Variants in MCTP1 observed in about 807,000 individuals in gnomAD.
MCTP1 encodes multiple C2 and transmembrane domain containing 1.
A neutral mutation model predicts 120.6 loss-of-function variants in MCTP1; 69 were observed. The ratio of observed to expected loss-of-function variants is 0.57; its 90% CI spans 0.47 to 0.70. MCTP1 has a LOEUF of 0.70. MCTP1 is among the 30% of genes least tolerant of loss of function. The pLI is 0.00. For synonymous variants in MCTP1, 529 were observed against 493.1 expected (o/e 1.07, Z -0.96); for missense variants, 1,203 against 1,248.8 (o/e 0.96, Z 0.55).
chr5:95,208,233 G>A (rs1333027241), intron 1 of MCTP1, among the ~76,000 whole-genome samples: 1 of 152,098 alleles, frequency 6.6e-6, no homozygotes, highest in Non-Finnish European at 1.5e-5. Flanking sequence ...GGGATTACAG[G>A]TGCCTGCAAC....
chr5:94,742,905 G>A (rs976109911), intron 19 of MCTP1, among the ~76,000 whole-genome samples: 2 of 151,964 alleles, frequency 1.3e-5, no homozygotes, highest in African/African-American at 2.4e-5. Flanking sequence ...GGGAGATAAC[G>A]AAAATGAATA....
rs1754298690 is a variant in MCTP1, at chr5:94,705,314, C to G, written c.*2182G>C. On this transcript the variant is annotated 3_prime_UTR_variant, in exon 23 of 23. Transcript: ENST00000515393. ...AAGCAATGAAGATTTCCCTGAATAT[C>G]ACTTTTGTGCCTCAAGCTAGTTCTT... is the stretch of plus-strand genomic sequence containing the variant. The G allele has an allele frequency of 6.6e-6, 1 of 151,394 alleles. No individual in the cohort carries two copies. Among genetic ancestry groups the G allele is most frequent in the Admixed American group, 6.6e-5 (1 of 15,158 alleles). The allele number at this position is 151,394 out of a possible 1,614,324, so 9.4% of individuals were successfully genotyped here. A position where few individuals can be genotyped will look rare whatever the true frequency, so the allele number is the denominator to read the frequency against.
chr5:94,891,125 A>G (rs1802500178), intron 11 of MCTP1, among the ~76,000 whole-genome samples: 1 of 151,722 alleles, frequency 6.6e-6, no homozygotes, highest in Non-Finnish European at 1.5e-5. Context: ...AAATGCGGAT[A>G]CATGAGTAAT....
chr5:95,088,561 G>A (rs1377610405), intron 1 of MCTP1, among the ~76,000 whole-genome samples: 1 of 152,152 alleles, frequency 6.6e-6, no homozygotes, highest in African/African-American at 2.4e-5. Flanking sequence ...TGCTTACGGA[G>A]GTGAAGTAAT....
At chr5:95,204,057 A>C (rs1417619871) in intron 1 of MCTP1, among the ~76,000 whole-genome samples, 2 of 152,168 alleles carry the variant, frequency 1.3e-5, no homozygotes, top group Non-Finnish European at 2.9e-5. Flanking sequence ...AATCAATACT[A>C]GAACAAGTTG....
chr5:95,032,633 A>C (rs1421391828), intron 1 of MCTP1, among the ~76,000 whole-genome samples: 4 of 152,098 alleles, frequency 2.6e-5, no homozygotes, highest in Non-Finnish European at 5.9e-5. Context: ...TACATCAGAA[A>C]GATACAAAGG....
At chr5:95,225,139 G>A (rs752675693) in intron 1 of MCTP1, among the ~76,000 whole-genome samples, 6 of 152,076 alleles carry the variant, frequency 3.9e-5, no homozygotes, top group Non-Finnish European at 7.3e-5. Flanking sequence ...GCTCATAGGT[G>A]TCTCATACCA....
chr5:95,057,774 GCT>G (rs573392896), intron 1 of MCTP1, among the ~76,000 whole-genome samples: 17 of 152,100 alleles, frequency 1.1e-4, no homozygotes, highest in Non-Finnish European at 2.1e-4. Flanking sequence ...AGCTCTCTGA[GCT>G]CTGTTTCATG....
At chr5:94,967,340 C>T (rs187259830) in intron 2 of MCTP1, among the ~76,000 whole-genome samples, 1 of 152,254 alleles carries the variant, frequency 6.6e-6, no homozygotes, top group Admixed American at 6.5e-5. Context: ...ATTATATCAG[C>T]TATCACACAC....
chr5:94,925,358 C>T (rs1286387182), intron 6 of MCTP1, among the ~76,000 whole-genome samples: 3 of 152,148 alleles, frequency 2.0e-5, no homozygotes, highest in East Asian at 1.9e-4. Flanking sequence ...TATTTAGTTA[C>T]GCTTCAGTCT....
chr5:94,990,592 C>T (rs1470456014), intron 2 of MCTP1, among the ~76,000 whole-genome samples: 1 of 152,228 alleles, frequency 6.6e-6, no homozygotes. Flanking sequence ...CACCAAAGAT[C>T]ATCTCCCTTT....
chr5:94,938,885 T>C (rs2153498830), intron 5 of MCTP1, among the ~76,000 whole-genome samples: 1 of 152,232 alleles, frequency 6.6e-6, no homozygotes, highest in African/African-American at 2.4e-5. Context: ...TCTAGATACT[T>C]TTTTGTAAAA....
In MCTP1 at chr5:95,188,583, A is replaced by G. The variant is rs551853737; in HGVS notation, c.720+95273T>C. On this transcript the variant is annotated intron_variant, in intron 1 of 22. Transcript: ENST00000515393. ...GAAGGATGCTGAGTGAAAAATGTCA[A>G]TCTTAAAAGTTGCATATTATATGAT... Among the ~76,000 whole-genome samples, 14 of 152,306 alleles carry G rather than the reference A, an allele frequency of 9.2e-5. No homozygotes were observed. In the East Asian group the frequency reaches 1.7e-3, roughly 19 times the overall value.
chr5:94,803,558 C>T (rs1035709063), intron 17 of MCTP1, among the ~76,000 whole-genome samples: 11 of 152,260 alleles, frequency 7.2e-5, no homozygotes, highest in South Asian at 2.1e-4. Context: ...GCAATTAAGC[C>T]GATGCTTGAC....
intron 7 of MCTP1, among the ~76,000 whole-genome samples, chr5:94,921,935 C>T (rs903929676): frequency 7.9e-5 from 12 of 152,176 alleles, no homozygotes; most frequent in Admixed American, 1.3e-4. Flanking sequence ...GACTCTACTG[C>T]TGTAAGTTCT....
chr5:95,018,239 TG>T (rs1837496193), intron 1 of MCTP1, among the ~76,000 whole-genome samples: 1 of 152,106 alleles, frequency 6.6e-6, no homozygotes, highest in South Asian at 2.1e-4. Flanking sequence ...TAAAAATTCT[TG>T]AGGTCATATT....
intron 17 of MCTP1, among the ~76,000 whole-genome samples, chr5:94,830,692 T>C (rs1788315625): frequency 6.6e-6 from 1 of 152,222 alleles, no homozygotes; most frequent in Non-Finnish European, 1.5e-5. Flanking sequence ...AAATATATAA[T>C]TGAGAGTGAA....
intron 19 of MCTP1, among the ~76,000 whole-genome samples, chr5:94,742,545 G>C (rs951262159): frequency 1.3e-5 from 2 of 152,118 alleles, no homozygotes; most frequent in Non-Finnish European, 2.9e-5. Flanking sequence ...CTTAGAGCTT[G>C]CCTTGGAAAG....
chr5:95,273,388 AT>A (rs1201821047), intron 1 of MCTP1, among the ~76,000 whole-genome samples: 1 of 152,178 alleles, frequency 6.6e-6, no homozygotes, highest in Non-Finnish European at 1.5e-5. Flanking sequence ...ATATTTTAAC[AT>A]GTTTGCAGCA....
Sources: allele counts gnomAD v4.1 joint callset (sites outside exome capture counted in the v4.1 genomes callset), GRCh38; gene constraint gnomAD v4.1.1; transcripts MANE v1.5; gene names NCBI Gene and HGNC (gene_info 2026-07-23, HGNC 2026-07-21).